JAKMIP1: variants seen among roughly 807,000 people sequenced by gnomAD.
JAKMIP1 encodes the protein janus kinase and microtubule-interacting protein 1.
A neutral mutation model predicts 113.0 loss-of-function variants in JAKMIP1; 33 were observed. The observed-to-expected ratio is 0.29, with a 90% CI of 0.22 to 0.39. The LOEUF (loss-of-function observed/expected upper bound fraction) is 0.39, where lower values mean the gene tolerates loss of function less well. Ranked by LOEUF, JAKMIP1 falls within the 10% of genes least tolerant of loss-of-function variation. The pLI, the probability that JAKMIP1 is intolerant of heterozygous loss-of-function variation, is 1.00. For synonymous variants in JAKMIP1, 480 were observed against 459.9 expected (o/e 1.04, Z -0.56); for missense variants, 813 against 1,080.5 (o/e 0.75, Z 3.47).
In JAKMIP1 at chr4:6,065,872, A is replaced by G. The variant is rs1717998014; in HGVS notation, c.1303-864T>C. 6.6e-6 allele frequency among the ~76,000 whole-genome samples: 1 copy of G among 152,196 alleles called. No homozygotes were observed. On this transcript the variant is annotated intron_variant, in intron 8 of 20. Transcript: ENST00000409021. The surrounding 1 kb of genome is among the most constrained non-coding windows in gnomAD (Gnocchi z 5.1). ...GCCAGACACGGGGCAGGCCTGGGGA[A>G]TACAATAGGATCATAACCAGGCCAG...
chr4:6,146,438 G>A (rs1388451530), intron 1 of JAKMIP1, among the ~76,000 whole-genome samples: 1 of 152,066 alleles, frequency 6.6e-6, no homozygotes, highest in East Asian at 1.9e-4. Flanking sequence ...GGGACTACAG[G>A]CATGTGTCAA....
chr4:6,106,380 A>G lies in JAKMIP1; in HGVS notation c.130-413T>C, dbSNP rs575319342. 2.6e-5 allele frequency among the ~76,000 whole-genome samples: 4 copies of G among 152,166 alleles called. No homozygotes were observed. Among genetic ancestry groups the G allele is most frequent in the African/African-American group, 9.6e-5 (4 of 41,576 alleles). On this transcript the variant is annotated intron_variant, in intron 2 of 20. Transcript: ENST00000409021. The surrounding 1 kb of genome is among the most constrained non-coding windows in gnomAD (Gnocchi z 5.9). The stretch of plus-strand genomic sequence containing the variant: ...ACTGTGGAGTTGGAAAAGACAGACC[A>G]GGCTTCTAAGTCCTGGGGGGCAGTG...
chr4:6,119,754 T>C (rs1021058142), intron 1 of JAKMIP1, among the ~76,000 whole-genome samples: 4 of 152,266 alleles, frequency 2.6e-5, no homozygotes, highest in African/African-American at 9.6e-5. Context: ...CAGTCACAAT[T>C]CACAACCTGC....
intron 5 of JAKMIP1, among the ~76,000 whole-genome samples, chr4:6,082,981 C>A (rs1720805849): frequency 6.6e-6 from 1 of 151,346 alleles, no homozygotes; most frequent in Non-Finnish European, 1.5e-5. Context: ...GAACAATACA[C>A]AGCAGGGAAA....
At position 6,040,749 on chromosome 4, in the gene JAKMIP1, C is replaced by T. The variant is rs1226199366; in HGVS notation, c.2098-33G>A. On this transcript the variant is annotated intron_variant, in intron 17 of 20. Transcript: ENST00000409021. The surrounding 1 kb of genome is among the most constrained non-coding windows in gnomAD (Gnocchi z 5.8). ...AGAGGGAGGCGCCATCAGGGACCAG[C>T]GTCAGAACAGGAATCCATGACAGCT... 11 of 1,564,184 alleles carry T rather than the reference C, an allele frequency of 7.0e-6. No homozygotes were observed. Among genetic ancestry groups the T allele is most frequent in the African/African-American group, 4.1e-5 (3 of 73,984 alleles).
chr4:6,140,557 G>GC lies in JAKMIP1; in HGVS notation c.-147-27561dup, dbSNP rs1418705238. On this transcript the variant is annotated intron_variant, in intron 1 of 20. Transcript: ENST00000409021. The surrounding 1 kb of genome is among the most constrained non-coding windows in gnomAD (Gnocchi z 9.4). ...TTTCTGCAGGGTCAGAGGGAAGTCG[G>GC]CCCGCTAGGTGACAGTGGTTCACAG... Among the ~76,000 whole-genome samples, 4 of 152,226 alleles carry GC rather than the reference G, an allele frequency of 2.6e-5. No homozygotes were observed. In the South Asian group the frequency reaches 6.2e-4, roughly 24 times the overall value.
intron 5 of JAKMIP1, among the ~76,000 whole-genome samples, chr4:6,082,395 A>G (rs1002201992): frequency 6.6e-6 from 1 of 151,930 alleles, no homozygotes; most frequent in Non-Finnish European, 1.5e-5. Flanking sequence ...AATGCCATGT[A>G]GAAGATACAT....
chr4:6,030,054 C>T (rs1381840417), intron 19 of JAKMIP1, among the ~76,000 whole-genome samples: 1 of 152,092 alleles, frequency 6.6e-6, no homozygotes, highest in Non-Finnish European at 1.5e-5. Context: ...ATGGATCGTG[C>T]CTGTTCTAGA....
Position 6,156,539 on chromosome 4 carries a change from G to T in JAKMIP1, c.-147-43542C>A, listed in dbSNP as rs922738979. ...TGCAGAAATAAATCCAGAGCCATCTGTTCTGAGCGTTCGGCTTCAGCCCCC... is the reference window on the plus strand; with the variant it reads ...TGCAGAAATAAATCCAGAGCCATCTTTTCTGAGCGTTCGGCTTCAGCCCCC... On this transcript the variant is annotated intron_variant, in intron 1 of 20. Coordinates refer to ENST00000409021, the MANE Select transcript of JAKMIP1 (RefSeq NM_001099433.2). This position sits in a 1 kb window ranked among gnomAD's most constrained non-coding sequence, Gnocchi z 5.0. Among the ~76,000 whole-genome samples the T allele has an allele frequency of 1.7e-4, 26 of 152,188 alleles. No individual in the cohort carries two copies. The highest frequency in any genetic ancestry group is 6.0e-4 in the African/African-American group (25 of 41,440).
At chr4:6,090,457 A>G (rs958842278) in intron 3 of JAKMIP1, among the ~76,000 whole-genome samples, 8 of 152,298 alleles carry the variant, frequency 5.3e-5, no homozygotes, top group African/African-American at 1.9e-4. Flanking sequence ...AGAGAAAATA[A>G]ATGTCATTGT....
At position 6,061,169 on chromosome 4, in the gene JAKMIP1, C is replaced by A. The variant is rs944487880; in HGVS notation, c.1561-662G>T. 7.9e-5 allele frequency among the ~76,000 whole-genome samples: 12 copies of A among 152,200 alleles called. No homozygotes were observed. The highest frequency in any genetic ancestry group is 2.4e-4 in the African/African-American group (10 of 41,464). ...TGACCTTTCAAGAGAGGTCAGGAAC[C>A]TGGATTTCTCTATAGAATCTCTTGA... On this transcript the variant is annotated intron_variant, in intron 10 of 20. Transcript: ENST00000409021. The surrounding 1 kb of genome is among the most constrained non-coding windows in gnomAD (Gnocchi z 5.3).
At position 6,153,492 on chromosome 4, in the gene JAKMIP1, G is replaced by A. The variant is rs978782812; in HGVS notation, c.-147-40495C>T. Among the ~76,000 whole-genome samples the A allele has an allele frequency of 6.6e-6, 1 of 152,184 alleles. No homozygotes were observed. Among genetic ancestry groups the A allele is most frequent in the African/African-American group, 2.4e-5 (1 of 41,440 alleles). ...TCCCAAACCTCAGTCATCAGTTGCC[G>A]CCGCTGTGACTTCTGCATAAAATGC... is the stretch of plus-strand genomic sequence containing the variant. On this transcript the variant is annotated intron_variant, in intron 1 of 20. Coordinates refer to ENST00000409021, the MANE Select transcript of JAKMIP1 (RefSeq NM_001099433.2). The surrounding 1 kb of genome is among the most constrained non-coding windows in gnomAD (Gnocchi z 4.9).
At chr4:6,037,620 A>C (rs1713687440) in intron 18 of JAKMIP1, among the ~76,000 whole-genome samples, 1 of 147,014 alleles carries the variant, frequency 6.8e-6, no homozygotes, top group Non-Finnish European at 1.5e-5. Flanking sequence ...GCTAACCGGT[A>C]TCCCTCCATC....
At position 6,046,206 on chromosome 4, in the gene JAKMIP1, G is replaced by A. The variant is rs995545810; in HGVS notation, c.2028+2651C>T. On this transcript the variant is annotated intron_variant, in intron 16 of 20. Transcript: ENST00000409021. Reference sequence around the variant, plus strand: ...AGTGGTCCTGCCAGGTTCTCAGGGGGTCCTGCTGATGCAGTTCCCACCCCA... The same window carrying A: ...AGTGGTCCTGCCAGGTTCTCAGGGGATCCTGCTGATGCAGTTCCCACCCCA... Among the ~76,000 whole-genome samples, 49 of 152,318 alleles carry A rather than the reference G, an allele frequency of 3.2e-4. 1 individual carries two copies. Among genetic ancestry groups the A allele is most frequent in the African/African-American group, 1.1e-3 (46 of 41,582 alleles).
chr4:6,160,042 T>A (rs139014796), intron 1 of JAKMIP1, among the ~76,000 whole-genome samples: 150 of 151,854 alleles, frequency 9.9e-4, no homozygotes, highest in African/African-American at 3.5e-3. Context: ...CTTTTGGGAG[T>A]AAGGGAATCA....
rs56874913 is a variant in JAKMIP1 at position 6,084,967 on chromosome 4, TAAAA to T, written c.835-6_835-3del. Reference sequence around the variant, plus strand: ...ATCTCGCTCGTCCATATGTTGATCCTAAAAAAAAAAAAAAAAAAAAAAAAAAAGT... The same window carrying T: ...ATCTCGCTCGTCCATATGTTGATCCTAAAAAAAAAAAAAAAAAAAAAAAGT... On this transcript the variant is annotated splice_region_variant and splice_polypyrimidine_tract_variant and intron_variant, in intron 4 of 20. Transcript: ENST00000409021. 2.9e-3 allele frequency: 1,083 copies of T among 375,346 alleles called. No homozygotes were observed. The highest frequency in any genetic ancestry group is 6.2e-3 in the Middle Eastern group (5 of 804). 23.3% of individuals were successfully genotyped at this position (375,346 alleles called of 1,614,324 possible).
rs1720529448 is a variant in JAKMIP1, at chr4:6,081,465, C to T, written c.1101+144G>A. ...ACAGGTGGAGAGAAAGGCGAGACATCTGTGACTGACACTGTGCCTGGTGCT... is the reference window on the plus strand; with the variant it reads ...ACAGGTGGAGAGAAAGGCGAGACATTTGTGACTGACACTGTGCCTGGTGCT... On this transcript the variant is annotated intron_variant, in intron 6 of 20. Transcript: ENST00000409021. The surrounding 1 kb of genome is among the most constrained non-coding windows in gnomAD (Gnocchi z 4.6). 2 of 867,508 alleles carry T rather than the reference C, an allele frequency of 2.3e-6. No individual in the cohort carries two copies. The highest frequency in any genetic ancestry group is 3.6e-6 in the Non-Finnish European group (2 of 555,448). The allele number at this position is 867,508 out of a possible 1,614,324, so 53.7% of individuals were successfully genotyped here.
chr4:6,141,820 C>T lies in JAKMIP1; in HGVS notation c.-147-28823G>A, dbSNP rs1720199371. ...TGGCCACTGAGCAGCCCGGTGGGAG[C>T]GGAAGTTGATGTGGAAACCACTCAT... On this transcript the variant is annotated intron_variant, in intron 1 of 20. Transcript: ENST00000409021. This position sits in a 1 kb window ranked among gnomAD's most constrained non-coding sequence, Gnocchi z 9.4. Among the ~76,000 whole-genome samples the T allele has an allele frequency of 1.3e-5, 2 of 152,174 alleles. No individual in the cohort carries two copies. Among genetic ancestry groups the T allele is most frequent in the African/African-American group, 4.8e-5 (2 of 41,444 alleles).
At chr4:6,118,108 G>A (rs572683789) in intron 1 of JAKMIP1, among the ~76,000 whole-genome samples, 157 of 152,332 alleles carry the variant, frequency 1.0e-3, no homozygotes, top group Non-Finnish European at 1.8e-3. Context: ...AGTGATAAGT[G>A]TCCATGAAAT....
Sources: allele counts gnomAD v4.1 joint callset (sites outside exome capture counted in the v4.1 genomes callset), GRCh38; gene constraint gnomAD v4.1.1; non-coding constraint Gnocchi (gnomAD v3.1); transcripts MANE v1.5; gene names NCBI Gene and HGNC (gene_info 2026-07-23, HGNC 2026-07-21).